KDM4C: variants seen among roughly 807,000 people sequenced by gnomAD.
KDM4C encodes lysine demethylase 4C, also known as lysine-specific demethylase 4C.
Under a neutral mutation model 129.3 loss-of-function variants are expected in KDM4C, and 81 were observed. The observed-to-expected ratio is 0.63, with a 90% CI of 0.52 to 0.75. The LOEUF (loss-of-function observed/expected upper bound fraction) is 0.75. Ranked by LOEUF, KDM4C falls within the 30% of genes least tolerant of loss-of-function variation. The pLI is 0.00. For synonymous variants in KDM4C, 573 were observed against 456.1 expected (o/e 1.26, Z -3.26); for missense variants, 1,457 against 1,304.0 (o/e 1.12, Z -1.81).
intron 8 of KDM4C, among the ~76,000 whole-genome samples, chr9:6,949,592 A>G (rs990700317): frequency 1.3e-5 from 2 of 152,172 alleles, no homozygotes; most frequent in Non-Finnish European, 2.9e-5. Context: ...CAATCCCGGC[A>G]CCTCGGGAGG....
rs544631306 is a variant in KDM4C, at chr9:6,777,852, G to C, written c.-17-15120G>C. On this transcript the variant is annotated intron_variant, in intron 1 of 21. Transcript: ENST00000381309. ...ATAAAAACTTGAAATTCTTCAGTTT[G>C]ATAGTCAGGATAACTAGTCCCATCA... Among the ~76,000 whole-genome samples, 94 of 149,336 alleles carry C rather than the reference G, an allele frequency of 6.3e-4. No homozygotes were observed. The South Asian group carries it at 8.2e-3, about 13-fold the overall frequency.
At chr9:6,950,316 A>G (rs1827903525) in intron 8 of KDM4C, among the ~76,000 whole-genome samples, 1 of 152,148 alleles carries the variant, frequency 6.6e-6, no homozygotes, top group African/African-American at 2.4e-5. Flanking sequence ...GGCATTTTAA[A>G]TAATCATGGT....
chr9:7,029,973 C>A (rs564220578), intron 15 of KDM4C, among the ~76,000 whole-genome samples: 2 of 151,944 alleles, frequency 1.3e-5, no homozygotes, highest in Non-Finnish European at 2.9e-5. Flanking sequence ...TTTTTTGTTA[C>A]CTTAAAGAAT....
chr9:6,936,378 C>G (rs924770841), intron 8 of KDM4C, among the ~76,000 whole-genome samples: 1 of 151,618 alleles, frequency 6.6e-6, no homozygotes, highest in Non-Finnish European at 1.5e-5. Flanking sequence ...AACAGTATTA[C>G]TTTACATATA....
At chr9:6,854,253 G>A (rs1446309209) in intron 5 of KDM4C, among the ~76,000 whole-genome samples, 1 of 152,034 alleles carries the variant, frequency 6.6e-6, no homozygotes, top group African/African-American at 2.4e-5. Context: ...TTTCGACTGG[G>A]TGCGGTGGCT....
intron 19 of KDM4C, among the ~76,000 whole-genome samples, chr9:7,157,630 G>A (rs1189568509): frequency 6.6e-6 from 1 of 152,088 alleles, no homozygotes; most frequent in Non-Finnish European, 1.5e-5. Context: ...TTTTGTCATT[G>A]GTTCTGTTTA....
intron 8 of KDM4C, among the ~76,000 whole-genome samples, chr9:6,920,785 G>A (rs1298676990): frequency 6.6e-6 from 1 of 152,084 alleles, no homozygotes; most frequent in Admixed American, 6.5e-5. Context: ...GTTCTGCTTG[G>A]TGGGTCTGGA....
At chr9:6,768,973 A>C (rs909638116) in intron 1 of KDM4C, among the ~76,000 whole-genome samples, 4 of 151,942 alleles carry the variant, frequency 2.6e-5, no homozygotes, top group African/African-American at 9.7e-5. Flanking sequence ...GGGTTTCACC[A>C]TGTTGGCCAG....
chr9:6,760,152 C>G (rs566829609), intron 1 of KDM4C, among the ~76,000 whole-genome samples: 2 of 152,030 alleles, frequency 1.3e-5, no homozygotes, highest in Admixed American at 1.3e-4. Context: ...AATCTGCTGT[C>G]TGTCTCAATA....
At chr9:7,101,186 C>G (rs1283913411) in intron 17 of KDM4C, among the ~76,000 whole-genome samples, 1 of 152,268 alleles carries the variant, frequency 6.6e-6, no homozygotes, top group Non-Finnish European at 1.5e-5. Flanking sequence ...TCATGTTATT[C>G]TAGTGCCAGG....
chr9:6,935,253 C>T (rs1263182235), intron 8 of KDM4C, among the ~76,000 whole-genome samples: 2 of 152,202 alleles, frequency 1.3e-5, no homozygotes, highest in East Asian at 3.9e-4. Context: ...ATATCCTTGG[C>T]ATGTTCGTAA....
intron 20 of KDM4C, among the ~76,000 whole-genome samples, chr9:7,168,220 T>A (rs1844605211): frequency 6.6e-6 from 1 of 152,060 alleles, no homozygotes; most frequent in South Asian, 2.1e-4. Flanking sequence ...AAAAAATTAG[T>A]GTAAATTTTT....
rs543905036 is a variant in KDM4C, at chr9:6,895,399, G to T, written c.921+2167G>T. 3.3e-5 allele frequency among the ~76,000 whole-genome samples: 5 copies of T among 152,314 alleles called. No individual in the cohort carries two copies. In the South Asian group the frequency reaches 1.0e-3, roughly 32 times the overall value. ...TATTTGTTGCTGACTGTGAACCAGA[G>T]GCTGGACTTTTCTCCTAGAAGCCTC... is the stretch of plus-strand genomic sequence containing the variant. On this transcript the variant is annotated intron_variant, in intron 8 of 21. Transcript: ENST00000381309.
chr9:7,121,923 G>T (rs1367200187), intron 18 of KDM4C, among the ~76,000 whole-genome samples: 1 of 151,730 alleles, frequency 6.6e-6, no homozygotes, highest in Non-Finnish European at 1.5e-5. Flanking sequence ...TTCCTGGTTG[G>T]TTTTATTTCT....
intron 18 of KDM4C, among the ~76,000 whole-genome samples, chr9:7,122,263 A>ACTCTCTCTCTCTCT (rs1410461925): frequency 2.8e-4 from 40 of 145,044 alleles, no homozygotes; most frequent in Admixed American, 1.6e-3. Context: ...ACACACACAC[A>ACTCTCTCTCTCTCT]CACTCTCTCT....
chr9:6,725,372 T>G (rs892564279), intron 1 of KDM4C, among the ~76,000 whole-genome samples: 1 of 152,074 alleles, frequency 6.6e-6, no homozygotes, highest in African/African-American at 2.4e-5. Context: ...ATCAGAGACT[T>G]GCTTATAACC....
intron 12 of KDM4C, among the ~76,000 whole-genome samples, chr9:6,995,584 G>A (rs1315602764): frequency 2.0e-5 from 3 of 152,166 alleles, no homozygotes; most frequent in Non-Finnish European, 4.4e-5. Flanking sequence ...GTAAAATACA[G>A]TTCAGCTAGG....
intron 19 of KDM4C, among the ~76,000 whole-genome samples, chr9:7,129,583 T>C (rs1392750452): frequency 1.3e-5 from 2 of 152,098 alleles, no homozygotes; most frequent in African/African-American, 4.8e-5. Context: ...TGTCACTTAC[T>C]TACCACACTA....
At chr9:6,936,635 A>T (rs1201399416) in intron 8 of KDM4C, among the ~76,000 whole-genome samples, 1 of 152,222 alleles carries the variant, frequency 6.6e-6, no homozygotes, top group Non-Finnish European at 1.5e-5. Flanking sequence ...AATGAGAATG[A>T]GCCTTCCCAT....
Sources: gnomAD v4.1 joint callset for allele counts (sites outside exome capture counted in the v4.1 genomes callset) on GRCh38, gnomAD v4.1.1 for gene constraint, MANE v1.5 for transcripts, NCBI Gene and HGNC (gene_info 2026-07-23, HGNC 2026-07-21) for gene names.